Variants in CTNNA3 observed in about 807,000 individuals in gnomAD.
CTNNA3 encodes the protein catenin alpha 3.
In CTNNA3, 76 loss-of-function variants were observed where a neutral mutation model predicts 95.7. The ratio of observed to expected loss-of-function variants is 0.79; its 90% CI spans 0.66 to 0.96. The LOEUF (loss-of-function observed/expected upper bound fraction) is 0.96, where lower values mean the gene tolerates loss of function less well. Ranked by LOEUF, CTNNA3 falls within the 40% of genes least tolerant of loss-of-function variation. The pLI is 0.00. For missense variants in CTNNA3, 1,191 were observed against 1,089.8 expected, an observed-to-expected ratio of 1.09 and a Z score of -1.31; for synonymous variants, 431 against 374.4, an observed-to-expected ratio of 1.15 and a Z score of -1.74.
At chr10:66,559,272 C>T (rs923506320) in intron 10 of CTNNA3, among the ~76,000 whole-genome samples, 2 of 151,950 alleles carry the variant, frequency 1.3e-5, no homozygotes, top group East Asian at 1.9e-4. Context: ...TGGTCTTGCT[C>T]CCTTTCTTAA....
chr10:66,499,630 A>G (rs1318224652), intron 11 of CTNNA3, among the ~76,000 whole-genome samples: 2 of 152,114 alleles, frequency 1.3e-5, no homozygotes, highest in African/African-American at 2.4e-5. Flanking sequence ...AACTAATATC[A>G]TTGTTATTTA....
chr10:67,356,392 T>C (rs758000225), intron 5 of CTNNA3, among the ~76,000 whole-genome samples: 3 of 152,084 alleles, frequency 2.0e-5, no homozygotes, highest in Non-Finnish European at 4.4e-5. Context: ...TAGACAACTT[T>C]TACTACTACT....
At chr10:67,279,983 A>G (rs1839333314) in intron 5 of CTNNA3, among the ~76,000 whole-genome samples, 1 of 150,702 alleles carries the variant, frequency 6.6e-6, no homozygotes, top group South Asian at 2.1e-4. Context: ...TATCTATTAC[A>G]CAATTATAGA....
chr10:66,207,566 T>C (rs1007802781), intron 13 of CTNNA3, among the ~76,000 whole-genome samples: 6 of 152,028 alleles, frequency 3.9e-5, no homozygotes, highest in African/African-American at 1.2e-4. Flanking sequence ...AGCCCCCAAA[T>C]AAACCCATCT....
intron 7 of CTNNA3, among the ~76,000 whole-genome samples, chr10:66,830,084 T>C (rs1589303319): frequency 1.3e-5 from 2 of 152,286 alleles, no homozygotes; most frequent in African/African-American, 2.4e-5. Flanking sequence ...CCACTCTATG[T>C]GTTAACCTCA....
chr10:66,482,861 C>T (rs186720702), intron 11 of CTNNA3, among the ~76,000 whole-genome samples: 2 of 152,228 alleles, frequency 1.3e-5, no homozygotes, highest in African/African-American at 4.8e-5. Context: ...AAAGCTTTTG[C>T]ACCACTTTCC....
chr10:66,100,224 T>A (rs546571405), intron 14 of CTNNA3, among the ~76,000 whole-genome samples: 2 of 152,094 alleles, frequency 1.3e-5, no homozygotes, highest in Admixed American at 1.3e-4. Flanking sequence ...TCAGGTTCTG[T>A]GGAAAATGCA....
chr10:66,553,652 C>A (rs7895747), intron 10 of CTNNA3, among the ~76,000 whole-genome samples: 1 of 150,308 alleles, frequency 6.7e-6, no homozygotes, highest in Non-Finnish European at 1.5e-5. Flanking sequence ...TTCAGCCTCC[C>A]GAGTACCTGG....
chr10:66,060,886 C>T (rs551092750), intron 15 of CTNNA3, among the ~76,000 whole-genome samples: 1 of 152,096 alleles, frequency 6.6e-6, no homozygotes, highest in East Asian at 1.9e-4. Flanking sequence ...CCCAGTCACC[C>T]CATCCTCTAC....
intron 7 of CTNNA3, among the ~76,000 whole-genome samples, chr10:66,897,731 G>C (rs1255199225): frequency 6.6e-6 from 1 of 152,048 alleles, no homozygotes; most frequent in Non-Finnish European, 1.5e-5. Flanking sequence ...TAAGAGAAAA[G>C]AGATAAACAT....
chr10:67,424,405 GATATTTAC>G (rs1845844288), intron 5 of CTNNA3, among the ~76,000 whole-genome samples: 1 of 151,938 alleles, frequency 6.6e-6, no homozygotes, highest in African/African-American at 2.4e-5. Context: ...TTTTAATGTT[GATATTTAC>G]ATATGAGTTT....
intron 11 of CTNNA3, among the ~76,000 whole-genome samples, chr10:66,493,814 C>T (rs2131943548): frequency 6.6e-6 from 1 of 151,056 alleles, no homozygotes; most frequent in East Asian, 2.0e-4. Context: ...ACCGTGTTAG[C>T]CAGGATGGTC....
At chr10:67,042,808 T>G (rs1430333599) in intron 7 of CTNNA3, among the ~76,000 whole-genome samples, 1 of 152,154 alleles carries the variant, frequency 6.6e-6, no homozygotes, top group Admixed American at 6.5e-5. Context: ...TGTCAATGAT[T>G]AGATAGTCAA....
At chr10:67,609,731 T>G (rs1035297400) in intron 2 of CTNNA3, among the ~76,000 whole-genome samples, 3 of 152,232 alleles carry the variant, frequency 2.0e-5, no homozygotes, top group African/African-American at 7.2e-5. Flanking sequence ...TGGCATTTCA[T>G]GTATATTTTC....
chr10:67,470,642 AACACACACAC>A (rs10695283), intron 5 of CTNNA3, among the ~76,000 whole-genome samples: 2 of 148,692 alleles, frequency 1.3e-5, no homozygotes, highest in South Asian at 2.1e-4. Flanking sequence ...GCAAGTTTGC[AACACACACAC>A]ACACACACAC....
chr10:66,344,154 G>A (rs947247744), intron 12 of CTNNA3, among the ~76,000 whole-genome samples: 2 of 149,972 alleles, frequency 1.3e-5, no homozygotes, highest in Non-Finnish European at 3.0e-5. Flanking sequence ...TTGAACCCCA[G>A]AGGCAGAGGT....
intron 5 of CTNNA3, among the ~76,000 whole-genome samples, chr10:67,276,652 A>G (rs1839190008): frequency 2.6e-5 from 4 of 152,118 alleles, no homozygotes. Flanking sequence ...TGGTTGATAC[A>G]TTTGCCGATG....
chr10:67,707,911 C>T (rs1181923630), intron 1 of CTNNA3, among the ~76,000 whole-genome samples: 1 of 152,156 alleles, frequency 6.6e-6, no homozygotes, highest in Admixed American at 6.6e-5. Flanking sequence ...CCTTACCTTA[C>T]ACAAACTAGA....
At chr10:66,648,400 T>C (rs1156978619) in intron 9 of CTNNA3, among the ~76,000 whole-genome samples, 2 of 152,136 alleles carry the variant, frequency 1.3e-5, no homozygotes, top group African/African-American at 2.4e-5. Context: ...ATTAATGTCA[T>C]GGAGTTCCAT....
Sources: gnomAD v4.1 joint callset for allele counts (sites outside exome capture counted in the v4.1 genomes callset) on GRCh38, gnomAD v4.1.1 for gene constraint, MANE v1.5 for transcripts, NCBI Gene and HGNC (gene_info 2026-07-23, HGNC 2026-07-21) for gene names.